Variants in NRG3 observed in about 807,000 individuals in gnomAD.
The protein encoded by NRG3 is neuregulin 3.
NRG3 carries 31 observed loss-of-function variants against 66.9 expected under a neutral mutation model. The ratio of observed to expected loss-of-function variants is 0.46; its 90% CI spans 0.35 to 0.63. NRG3 has a LOEUF of 0.63. Among genes scored for constraint, NRG3 ranks in the 20% least tolerant of loss-of-function variants. The pLI is 0.00. For missense variants in NRG3, 910 were observed against 878.9 expected (o/e 1.04, Z -0.45); for synonymous variants, 393 against 359.4 (o/e 1.09, Z -1.06).
chr10:81,922,137 G>T (rs1793492626), intron 1 of NRG3, among the ~76,000 whole-genome samples: 1 of 152,018 alleles, frequency 6.6e-6, no homozygotes, highest in Non-Finnish European at 1.5e-5. Context: ...AATAGTTAAC[G>T]ACTTTTTTTG....
At chr10:82,292,581 C>T (rs1412924572) in intron 1 of NRG3, among the ~76,000 whole-genome samples, 1 of 152,168 alleles carries the variant, frequency 6.6e-6, no homozygotes, top group East Asian at 1.9e-4. Flanking sequence ...TTAAAAACAA[C>T]CTAGTTGTTC....
At chr10:82,367,002 G>A (rs746018230) in intron 2 of NRG3, among the ~76,000 whole-genome samples, 13 of 152,170 alleles carry the variant, frequency 8.5e-5, no homozygotes, top group Admixed American at 2.0e-4. Context: ...TAAGCAAGGC[G>A]TGTTCGACTC....
At chr10:82,450,843 G>A (rs954436208) in intron 2 of NRG3, among the ~76,000 whole-genome samples, 1 of 152,072 alleles carries the variant, frequency 6.6e-6, no homozygotes, top group Non-Finnish European at 1.5e-5. Flanking sequence ...CTCAACAGTT[G>A]CCCTGCCACA....
intron 3 of NRG3, among the ~76,000 whole-genome samples, chr10:82,837,197 A>T (rs564666812): frequency 6.6e-6 from 1 of 152,280 alleles, no homozygotes; most frequent in East Asian, 1.9e-4. Flanking sequence ...GTGCCTCAAT[A>T]AACATACGTG....
intron 2 of NRG3, among the ~76,000 whole-genome samples, chr10:82,483,625 C>A (rs1346520832): frequency 5.9e-5 from 9 of 152,190 alleles, no homozygotes; most frequent in African/African-American, 4.8e-5. Context: ...CACAAACACA[C>A]ACACGCCAGG....
At chr10:81,936,388 T>A (rs968618396) in intron 1 of NRG3, among the ~76,000 whole-genome samples, 6 of 151,990 alleles carry the variant, frequency 3.9e-5, no homozygotes, top group Non-Finnish European at 8.8e-5. Context: ...TCTGGAGAGG[T>A]AGCTTAGAAT....
At chr10:82,688,588 A>C (rs2054684982) in intron 2 of NRG3, among the ~76,000 whole-genome samples, 1 of 152,170 alleles carries the variant, frequency 6.6e-6, no homozygotes, top group Non-Finnish European at 1.5e-5. Flanking sequence ...TCACTTAGAA[A>C]GGATTTACTG....
chr10:82,781,567 T>G (rs1207199403), intron 3 of NRG3, among the ~76,000 whole-genome samples: 1 of 152,148 alleles, frequency 6.6e-6, no homozygotes, highest in Non-Finnish European at 1.5e-5. Flanking sequence ...GGCTCTCTCA[T>G]AGTGTTTATA....
At chr10:82,749,276 A>G (rs1252039591) in intron 3 of NRG3, among the ~76,000 whole-genome samples, 1 of 152,104 alleles carries the variant, frequency 6.6e-6, no homozygotes, top group Non-Finnish European at 1.5e-5. Context: ...TGCTCATAGC[A>G]TGACTCCCCA....
At chr10:82,132,481 T>TATATATATGATATATATATATC (rs1564593369) in intron 1 of NRG3, among the ~76,000 whole-genome samples, 82 of 7,308 alleles carry the variant, frequency 0.011, 4 homozygotes, top group African/African-American at 0.044. Context: ...ATATATATGA[T>TATATATATGATATATATATATC]ATATATATAT....
At chr10:82,855,089 G>A (rs1215754706) in intron 3 of NRG3, among the ~76,000 whole-genome samples, 3 of 152,088 alleles carry the variant, frequency 2.0e-5, no homozygotes, top group South Asian at 2.1e-4. Flanking sequence ...AAGTGGGGGT[G>A]AGTTGTCTTT....
intron 1 of NRG3, among the ~76,000 whole-genome samples, chr10:82,177,078 G>A (rs955891022): frequency 1.3e-5 from 2 of 151,896 alleles, no homozygotes; most frequent in Non-Finnish European, 1.5e-5. Flanking sequence ...CTACCTCTCC[G>A]GGTTGTGAAG....
At chr10:82,042,543 A>G (rs1197927820) in intron 1 of NRG3, among the ~76,000 whole-genome samples, 2 of 152,016 alleles carry the variant, frequency 1.3e-5, no homozygotes, top group African/African-American at 4.8e-5. Flanking sequence ...ACTATTTGCT[A>G]CTCTGATTCT....
At chr10:82,564,638 A>G (rs898774455) in intron 2 of NRG3, among the ~76,000 whole-genome samples, 1 of 152,048 alleles carries the variant, frequency 6.6e-6, no homozygotes, top group African/African-American at 2.4e-5. Context: ...CTAACACTCT[A>G]TCTTGTTGCT....
At chr10:81,921,869 G>T (rs2132876816) in intron 1 of NRG3, among the ~76,000 whole-genome samples, 1 of 152,234 alleles carries the variant, frequency 6.6e-6, no homozygotes, top group African/African-American at 2.4e-5. Context: ...ATGTTAATTT[G>T]AGAAGTAGGT....
intron 4 of NRG3, among the ~76,000 whole-genome samples, chr10:82,923,446 G>T (rs1846651937): frequency 6.6e-6 from 1 of 152,144 alleles, no homozygotes; most frequent in African/African-American, 2.4e-5. Context: ...TCAGTACATT[G>T]TCTCCACCCT....
At chr10:82,374,112 A>G (rs761036399) in intron 2 of NRG3, among the ~76,000 whole-genome samples, 2 of 152,204 alleles carry the variant, frequency 1.3e-5, no homozygotes, top group Non-Finnish European at 2.9e-5. Context: ...CATTTTTTAG[A>G]CGACAAATTT....
At chr10:82,977,784 T>C (rs768172820) in intron 7 of NRG3, among the ~76,000 whole-genome samples, 8 of 152,122 alleles carry the variant, frequency 5.3e-5, no homozygotes, top group Non-Finnish European at 1.2e-4. Context: ...TTTCAAACTC[T>C]AACCTTAAAT....
At chr10:82,829,354 T>A (rs1009151311) in intron 3 of NRG3, among the ~76,000 whole-genome samples, 1 of 152,224 alleles carries the variant, frequency 6.6e-6, no homozygotes, top group African/African-American at 2.4e-5. Flanking sequence ...CACCACTTTA[T>A]CTGCAGATGA....
Sources: gnomAD v4.1 joint callset for allele counts (sites outside exome capture counted in the v4.1 genomes callset) on GRCh38, gnomAD v4.1.1 for gene constraint, MANE v1.5 for transcripts, NCBI Gene and HGNC (gene_info 2026-07-23, HGNC 2026-07-21) for gene names.